The following COL9A3 variants were observed in gnomAD, a reference collection of about 807,000 sequenced individuals.
The protein encoded by COL9A3 is collagen type IX alpha 3 chain.
COL9A3 carries 82 observed loss-of-function variants against 110.2 expected under a neutral mutation model. That is an observed-to-expected ratio of 0.74 (90% CI 0.62 to 0.89). The LOEUF is 0.89. COL9A3 is among the 40% of genes least tolerant of loss of function. The pLI is 0.00. For missense variants in COL9A3, 1,066 were observed against 981.3 expected, an observed-to-expected ratio of 1.09 and a Z score of -1.15; for synonymous variants, 494 against 403.8, an observed-to-expected ratio of 1.22 and a Z score of -2.68.
At chr20:62,836,676 G>T in intron 29 of COL9A3, 144 bp downstream of exon 29, 3 of 891,506 alleles carry the variant, frequency 3.4e-6, no homozygotes, top group Non-Finnish European at 5.0e-6. Context: ...AGCCCTTGGG[G>T]GTCCACGTCC....
chr20:62,829,794 G>A lies in COL9A3; in HGVS notation c.1136G>A (p.Gly379Asp). 2 of 1,584,054 alleles carry A rather than the reference G, an allele frequency of 1.3e-6. No homozygotes were observed. Among genetic ancestry groups the A allele is most frequent in the African/African-American group, 2.7e-5 (2 of 74,624 alleles). Reference protein sequence around the residue: ...PGDAGMPGERGEAGHRGSAGA... With the variant: ...PGDAGMPGERDEAGHRGSAGA... ...GATGCTGGCATGCCTGGGGAGCGCG[G>A]TGAGGCTGGCCACCGGGGCTCAGCG... Residue 379 changes from glycine (G) to aspartate (D), a missense_variant, in exon 22 of 32, where the codon GGT becomes GAT. Transcript: ENST00000649368.
Position 62,827,979 on chromosome 20 carries a change from G to T in COL9A3, c.900+3G>T, listed in dbSNP as rs376468183. 1.8e-5 allele frequency: 29 copies of T among 1,612,890 alleles called. No homozygotes were observed. The South Asian group carries it at 2.9e-4, about 16-fold the overall frequency. ...TGGCCGGGCCAAGCGGAGAGCCGGT[G>T]AGTGCACGTGGCTGCTCATGGAATG... is the stretch of plus-strand genomic sequence containing the variant. On this transcript the variant is annotated splice_donor_region_variant and intron_variant, in intron 17 of 31. Transcript: ENST00000649368.
intron 30 of COL9A3, among the ~76,000 whole-genome samples, chr20:62,838,268 T>A (rs752209794): frequency 7.2e-5 from 11 of 152,198 alleles, no homozygotes; most frequent in Non-Finnish European, 1.5e-4. Flanking sequence ...AAGCCCGGCC[T>A]CCTGCACCCC....
rs1568746261 is a variant in COL9A3, at chr20:62,817,590, C to T, written c.102C>T (p.Pro34=). The T allele has an allele frequency of 1.2e-5, 18 of 1,546,266 alleles. 1 individual carries two copies. The highest frequency in any genetic ancestry group is 8.2e-5 in the African/African-American group (6 of 73,078). The change falls in exon 2 of 32, where the codon CCC becomes CCT. Residue 34 remains proline (P), a synonymous_variant. Transcript: ENST00000649368. ...GAQRVGLPGP[P]GPPGPPGKPG... ...AGAGAGTGGGACTCCCCGGCCCCCCCGGCCCCCCAGGGCCGCCCGGGAAGC... is the reference window on the plus strand; with the variant it reads ...AGAGAGTGGGACTCCCCGGCCCCCCTGGCCCCCCAGGGCCGCCCGGGAAGC...
chr20:62,825,938 A>G lies in COL9A3; in HGVS notation c.684+68A>G, dbSNP rs895866836. On this transcript the variant is annotated intron_variant, in intron 13 of 31. Transcript: ENST00000649368. ...CCCACAGAGTGATCAAGCCCTGCAC[A>G]TATCTACCCCCGAGGGGGCCAGCTC... is the stretch of plus-strand genomic sequence containing the variant. The G allele has an allele frequency of 3.4e-5, 51 of 1,493,312 alleles. 1 individual carries two copies. Among genetic ancestry groups the G allele is most frequent in the South Asian group, 7.3e-5 (6 of 82,738 alleles). 92.5% of individuals were successfully genotyped at this position (1,493,312 alleles called of 1,614,324 possible).
intron 24 of COL9A3, chr20:62,831,879 A>C (rs776928134): frequency 1.2e-4 from 67 of 537,540 alleles, no homozygotes; most frequent in Non-Finnish European, 2.1e-4. Flanking sequence ...GCAATTGTGC[A>C]GAAACACCCG....
intron 24 of COL9A3, chr20:62,831,270 G>A (rs892128909): frequency 3.3e-5 from 5 of 152,286 alleles, no homozygotes; most frequent in South Asian, 2.1e-4. Context: ...AGCGGGGCAC[G>A]GCCTACCCAG....
chr20:62,840,674 C>G lies in COL9A3; in HGVS notation c.1997C>G (p.Ala666Gly), dbSNP rs758764249. Reference protein sequence around the residue: ...QGTPGICDTSACQGAVLGGVG... With the variant: ...QGTPGICDTSGCQGAVLGGVG... ...ACACCGGGGATCTGCGACACCTCAG[C>G]CTGCCAAGGAGCCGTGTTAGGAGGG... is the stretch of plus-strand genomic sequence containing the variant. Residue 666 changes from alanine to glycine, a missense_variant, in exon 32 of 32, where the codon GCC (alanine) becomes GGC (glycine). Ala to Gly is a moderately conservative substitution (Grantham distance 60, BLOSUM62 0). Coordinates refer to ENST00000649368, the MANE Select transcript of COL9A3 (RefSeq NM_001853.4). 1 of 1,605,140 alleles carries G rather than the reference C, an allele frequency of 6.2e-7. No homozygotes were observed. The highest frequency in any genetic ancestry group is 1.7e-5 in the Admixed American group (1 of 58,274).
At chr20:62,824,856 C>A in intron 11 of COL9A3, 112 bp from the exon 12 acceptor site, 1 of 1,174,582 alleles carries the variant, frequency 8.5e-7, no homozygotes, top group Non-Finnish European at 1.2e-6. Flanking sequence ...GTCCTGTGCG[C>A]TGCCGTGTGG....
chr20:62,832,097 G>T, intron 24 of COL9A3, 57 bp from the exon 25 acceptor site: 1 of 1,558,852 alleles, frequency 6.4e-7, no homozygotes. Flanking sequence ...CCCAGGGCAG[G>T]CTCACTTTAG....
At chr20:62,821,622 G>T in intron 7 of COL9A3, 92 bp downstream of exon 7, 1 of 1,583,836 alleles carries the variant, frequency 6.3e-7, no homozygotes, top group East Asian at 2.3e-5. Flanking sequence ...CTGGGGGTGG[G>T]GCTTCTCAGG....
intron 30 of COL9A3, among the ~76,000 whole-genome samples, chr20:62,838,272 G>A (rs1019071198): frequency 6.6e-6 from 1 of 152,230 alleles, no homozygotes; most frequent in African/African-American, 2.4e-5. Flanking sequence ...CCGGCCTCCT[G>A]CACCCCTGGG....
rs569997243 is a variant in COL9A3, at chr20:62,834,120, C to G, written c.1368+1056C>G. Reference sequence around the variant, plus strand: ...AATTCCCGACCTCAGGCAATCTGCCCGCCTCGGCCTCCCAAAGTGCTGGGA... The same window carrying G: ...AATTCCCGACCTCAGGCAATCTGCCGGCCTCGGCCTCCCAAAGTGCTGGGA... On this transcript the variant is annotated intron_variant, in intron 26 of 31. Coordinates refer to ENST00000649368, the MANE Select transcript of COL9A3 (RefSeq NM_001853.4). 3.3e-3 allele frequency among the ~76,000 whole-genome samples: 504 copies of G among 152,046 alleles called. 7 individuals are homozygous for G. Among genetic ancestry groups the G allele is most frequent in the Non-Finnish European group, 2.8e-3 (189 of 67,956 alleles).
chr20:62,837,297 T>C (rs2147229867), intron 30 of COL9A3, 32 bp downstream of exon 30: 2 of 1,599,942 alleles, frequency 1.3e-6, no homozygotes, highest in Non-Finnish European at 1.7e-6. Flanking sequence ...ACGGTCACCC[T>C]GCTGTAAAAA....
intron 12 of COL9A3, 57 bp downstream of exon 12, chr20:62,825,078 C>A (rs1043864794): frequency 2.0e-6 from 2 of 1,006,276 alleles, no homozygotes; most frequent in South Asian, 1.4e-5. Flanking sequence ...TGGGCTCCGG[C>A]GGGAGGGAGG....
Position 62,829,440 on chromosome 20 carries a change from G to C in COL9A3, c.1009-15G>C. 1 of 1,612,712 alleles carries C rather than the reference G, an allele frequency of 6.2e-7. No homozygotes were observed. The highest frequency in any genetic ancestry group is 1.1e-5 in the South Asian group (1 of 91,068). On this transcript the variant is annotated splice_polypyrimidine_tract_variant and intron_variant, in intron 19 of 31. Coordinates refer to ENST00000649368, the MANE Select transcript of COL9A3 (RefSeq NM_001853.4). Reference sequence around the variant, plus strand: ...ATGTAACTGGCAGCCCTGACCGCAAGCTCTCTCCTGGCAGGGCCTCCCTGG... The same window carrying C: ...ATGTAACTGGCAGCCCTGACCGCAACCTCTCTCCTGGCAGGGCCTCCCTGG...
rs1263579846 is a variant in COL9A3 at position 62,837,281 on chromosome 20, C to T, written c.1786+16C>T. On this transcript the variant is annotated intron_variant, in intron 30 of 31. Coordinates refer to ENST00000649368, the MANE Select transcript of COL9A3 (RefSeq NM_001853.4). ...GGGCCCAGAGGTGAGTGTTTGACCC[C>T]ATGACACGGTCACCCTGCTGTAAAA... 1.9e-6 allele frequency: 3 copies of T among 1,606,350 alleles called. No individual in the cohort carries two copies. Among genetic ancestry groups the T allele is most frequent in the Non-Finnish European group, 8.5e-7 (1 of 1,179,368 alleles).
chr20:62,836,377 T>C, intron 28 of COL9A3, 44 bp downstream of exon 28: 1 of 1,613,998 alleles, frequency 6.2e-7, no homozygotes, highest in Admixed American at 1.7e-5. Flanking sequence ...AGGGTTGAGA[T>C]CGTGTTTTTT....
At chr20:62,827,108 G>C in intron 15 of COL9A3, 133 bp from the exon 16 acceptor site, 1 of 891,156 alleles carries the variant, frequency 1.1e-6, no homozygotes, top group Non-Finnish European at 1.8e-6. Context: ...CCCAGGCCTG[G>C]AGGGGCCCCC....
Sources: allele counts gnomAD v4.1 joint callset (sites outside exome capture counted in the v4.1 genomes callset), GRCh38; gene constraint gnomAD v4.1.1; transcripts MANE v1.5; gene names NCBI Gene and HGNC (gene_info 2026-07-23, HGNC 2026-07-21).